The following FBXO28 variants were observed in gnomAD, a reference collection of about 807,000 sequenced individuals.
The protein encoded by FBXO28 is F-box only protein 28.
A neutral mutation model predicts 38.1 loss-of-function variants in FBXO28; 8 were observed. That is an observed-to-expected ratio of 0.21 (90% CI 0.12 to 0.38). FBXO28 has a LOEUF of 0.38. FBXO28 is among the 10% of genes least tolerant of loss of function. FBXO28 has a pLI of 1.00. For synonymous variants in FBXO28, 168 were observed against 173.8 expected (o/e 0.97, Z 0.26); for missense variants, 345 against 460.6 (o/e 0.75, Z 2.30).
chr1:224,136,994 C>T (rs913076593), intron 3 of FBXO28, among the ~76,000 whole-genome samples: 6 of 151,356 alleles, frequency 4.0e-5, no homozygotes, highest in East Asian at 2.0e-4. Context: ...TCAAGTGATC[C>T]GCCTGCCTTG....
Position 224,116,573 on chromosome 1 carries a change from A to G in FBXO28, c.267+2177A>G, listed in dbSNP as rs114313665. 1.0e-2 allele frequency among the ~76,000 whole-genome samples: 1,516 copies of G among 152,320 alleles called. 32 individuals carry two copies. The highest frequency in any genetic ancestry group is 0.034 in the African/African-American group (1,418 of 41,572). On this transcript the variant is annotated intron_variant, in intron 1 of 4. Transcript: ENST00000366862. ...AATATTAAGAACAGAATTAGTTTTC[A>G]TAAAGCTAAATGTCAGTTGTTAGGT...
intron 3 of FBXO28, among the ~76,000 whole-genome samples, chr1:224,150,425 A>G (rs1012300002): frequency 6.6e-6 from 1 of 151,822 alleles, no homozygotes; most frequent in Non-Finnish European, 1.5e-5. Flanking sequence ...AGCACTATAC[A>G]TAAAATATCA....
rs755416555 is a variant in FBXO28, at chr1:224,159,276, T to G, written c.*1530T>G. On this transcript the variant is annotated 3_prime_UTR_variant, in exon 5 of 5. Transcript: ENST00000366862. ...GGTTTTGGTAAGTACCTTAGTTGAA[T>G]AAAAGCACAAGGTTATCACCTTTTT... 1 of 152,636 alleles carries G rather than the reference T, an allele frequency of 6.6e-6. No homozygotes were observed. The highest frequency in any genetic ancestry group is 1.5e-5 in the Non-Finnish European group (1 of 68,028). The allele number at this position is 152,636 out of a possible 1,614,324, so 9.5% of individuals were successfully genotyped here.
chr1:224,145,299 A>AAAAAAT (rs2102629097), intron 3 of FBXO28, among the ~76,000 whole-genome samples: 1 of 150,806 alleles, frequency 6.6e-6, no homozygotes, highest in East Asian at 1.9e-4. Context: ...ATCTCAAAAA[A>AAAAAAT]AAAAAAAAAA....
chr1:224,146,542 A>G (rs1442878001), intron 3 of FBXO28, among the ~76,000 whole-genome samples: 1 of 152,046 alleles, frequency 6.6e-6, no homozygotes, highest in Admixed American at 6.6e-5. Flanking sequence ...TGGTACTTCT[A>G]CTGTGTGTTA....
chr1:224,145,897 T>A (rs946520139), intron 3 of FBXO28, among the ~76,000 whole-genome samples: 52 of 152,158 alleles, frequency 3.4e-4, no homozygotes, highest in Admixed American at 2.4e-3. Context: ...GAGAAACCCA[T>A]CGCTACTAAA....
chr1:224,133,918 G>C (rs1007854014), intron 2 of FBXO28, among the ~76,000 whole-genome samples, 156 bp from the exon 3 acceptor site: 2 of 152,046 alleles, frequency 1.3e-5, no homozygotes, highest in African/African-American at 4.8e-5. Context: ...TAGGCATAGT[G>C]ATTCATTCAT....
rs145949100 is a variant in FBXO28 at position 224,130,788 on chromosome 1, C to T, written c.377+207C>T. 1.3e-3 allele frequency: 582 copies of T among 435,572 alleles called. 3 individuals carry two copies. The highest frequency in any genetic ancestry group is 0.011 in the African/African-American group (521 of 49,410). 27.0% of individuals were successfully genotyped at this position (435,572 alleles called of 1,614,324 possible). ...GGAGGTTCTAGCCAGAGAAATTAGG[C>T]AAGAAAATGAAATACAAGGCATCCA... On this transcript the variant is annotated intron_variant, in intron 2 of 4. Transcript: ENST00000366862.
At chr1:224,141,434 G>A (rs955051741) in intron 3 of FBXO28, among the ~76,000 whole-genome samples, 15 of 150,276 alleles carry the variant, frequency 1.0e-4, no homozygotes, top group Non-Finnish European at 1.5e-4. Context: ...TTGCACCACT[G>A]CACTCCAGCC....
intron 1 of FBXO28, among the ~76,000 whole-genome samples, chr1:224,125,735 G>A (rs1042767422): frequency 5.3e-5 from 8 of 151,000 alleles, no homozygotes; most frequent in Non-Finnish European, 8.8e-5. Flanking sequence ...TCCACCTTCC[G>A]GGTTTAAGCG....
intron 1 of FBXO28, among the ~76,000 whole-genome samples, chr1:224,119,928 A>G (rs1558186182): frequency 3.9e-5 from 6 of 152,218 alleles, no homozygotes; most frequent in Admixed American, 3.3e-4. Context: ...TTCACAGACC[A>G]GTCAGATTTA....
rs540973159 is a variant in FBXO28 at position 224,129,666 on chromosome 1, A to G, written c.268-806A>G. 3.2e-4 allele frequency among the ~76,000 whole-genome samples: 49 copies of G among 152,326 alleles called. No individual in the cohort carries two copies. The South Asian group carries it at 6.8e-3, about 21-fold the overall frequency. On this transcript the variant is annotated intron_variant, in intron 1 of 4. Transcript: ENST00000366862. ...TGATACTTTTTTGCCTGCACATAGT[A>G]TTAATTTCTTAATGAGATATTTCAG...
At chr1:224,115,428 C>T (rs945056909) in intron 1 of FBXO28, among the ~76,000 whole-genome samples, 1 of 151,918 alleles carries the variant, frequency 6.6e-6, no homozygotes, top group Non-Finnish European at 1.5e-5. Flanking sequence ...TGTATAACAT[C>T]TTCTTATTAC....
chr1:224,156,297 A>G (rs1657770984), intron 4 of FBXO28, among the ~76,000 whole-genome samples: 1 of 152,176 alleles, frequency 6.6e-6, no homozygotes, highest in African/African-American at 2.4e-5. Context: ...TTCCTACACC[A>G]TGTCAGGAAT....
intron 3 of FBXO28, among the ~76,000 whole-genome samples, chr1:224,147,875 T>A (rs767414052): frequency 1.3e-5 from 2 of 151,778 alleles, no homozygotes; most frequent in Non-Finnish European, 2.9e-5. Context: ...ATGAACTGTT[T>A]TGAAAATTTG....
intron 1 of FBXO28, among the ~76,000 whole-genome samples, chr1:224,117,329 G>A (rs1005200449): frequency 5.3e-5 from 8 of 151,884 alleles, no homozygotes; most frequent in East Asian, 2.0e-4. Context: ...CACCATGCCC[G>A]GCTAATTTTT....
intron 1 of FBXO28, among the ~76,000 whole-genome samples, chr1:224,114,967 T>C (rs1656612386): frequency 6.6e-6 from 1 of 152,186 alleles, no homozygotes; most frequent in Non-Finnish European, 1.5e-5. Context: ...TTACTTAGCG[T>C]TAGCCCCAGC....
chr1:224,134,359 T>C (rs1244496575), intron 3 of FBXO28, 147 bp downstream of exon 3: 4 of 594,934 alleles, frequency 6.7e-6, no homozygotes, highest in African/African-American at 5.8e-5. Flanking sequence ...TGTACAGTTA[T>C]AAATATGTAT....
intron 1 of FBXO28, among the ~76,000 whole-genome samples, chr1:224,116,092 A>G (rs758225873): frequency 1.3e-5 from 2 of 152,170 alleles, no homozygotes; most frequent in Non-Finnish European, 2.9e-5. Flanking sequence ...GATTTTTCAT[A>G]AGGAGTCCCT....
Sources: allele counts gnomAD v4.1 joint callset (sites outside exome capture counted in the v4.1 genomes callset), GRCh38; gene constraint gnomAD v4.1.1; transcripts MANE v1.5; gene names NCBI Gene and HGNC (gene_info 2026-07-23, HGNC 2026-07-21).